Variants in SPATA17 observed in about 807,000 individuals in gnomAD.
The protein encoded by SPATA17 is spermatogenesis associated 17, also known as spermatogenesis-associated protein 17.
In SPATA17, 53 loss-of-function variants were observed where a neutral mutation model predicts 62.2. That is an observed-to-expected ratio of 0.85 (90% confidence interval 0.68 to 1.07). The LOEUF (loss-of-function observed/expected upper bound fraction) is 1.07. SPATA17 is among the 50% of genes least tolerant of loss of function. The pLI, the probability that SPATA17 is intolerant of heterozygous loss-of-function variation, is 0.00. For synonymous variants in SPATA17, 146 were observed against 146.8 expected, an observed-to-expected ratio of 0.99 and a Z score of 0.04; for missense variants, 466 against 425.5, an observed-to-expected ratio of 1.10 and a Z score of -0.84.
chr1:217,791,752 T>C (rs140673842), intron 8 of SPATA17, among the ~76,000 whole-genome samples: 2 of 152,286 alleles, frequency 1.3e-5, no homozygotes, highest in Non-Finnish European at 2.9e-5. Flanking sequence ...ACCAGCACAG[T>C]GTTTTAGGCC....
intron 1 of SPATA17, among the ~76,000 whole-genome samples, chr1:217,635,491 G>T (rs1029336422): frequency 6.6e-6 from 1 of 152,010 alleles, no homozygotes; most frequent in African/African-American, 2.4e-5. Context: ...ATCACTTGAG[G>T]TCAGGAGTTC....
At chr1:217,650,524 C>T (rs745858282) in intron 2 of SPATA17, among the ~76,000 whole-genome samples, 2 of 152,140 alleles carry the variant, frequency 1.3e-5, no homozygotes, top group Non-Finnish European at 2.9e-5. Flanking sequence ...TCAAGTGATT[C>T]TCCTGCCTCA....
At chr1:217,773,396 TATG>T (rs1337927254) in intron 6 of SPATA17, among the ~76,000 whole-genome samples, 9 of 152,156 alleles carry the variant, frequency 5.9e-5, no homozygotes, top group Admixed American at 5.9e-4. Context: ...TGCATTTGTG[TATG>T]ATATTTACAT....
At chr1:217,715,326 C>T (rs1287206743) in intron 5 of SPATA17, among the ~76,000 whole-genome samples, 1 of 152,150 alleles carries the variant, frequency 6.6e-6, no homozygotes, top group African/African-American at 2.4e-5. Flanking sequence ...TCAGAAGTGG[C>T]AACACCTTTA....
intron 5 of SPATA17, among the ~76,000 whole-genome samples, chr1:217,701,753 C>T (rs1323258991): frequency 1.3e-5 from 2 of 152,080 alleles, no homozygotes; most frequent in African/African-American, 4.8e-5. Flanking sequence ...TTGGTGCTCG[C>T]ATTATCTGAT....
intron 3 of SPATA17, among the ~76,000 whole-genome samples, chr1:217,664,514 C>T (rs768018181): frequency 2.0e-5 from 3 of 151,744 alleles, no homozygotes; most frequent in Non-Finnish European, 2.9e-5. Flanking sequence ...AGGCTGGTCT[C>T]AAACTCCTGA....
intron 5 of SPATA17, among the ~76,000 whole-genome samples, chr1:217,700,247 G>C (rs1571740777): frequency 6.6e-6 from 1 of 152,072 alleles, no homozygotes; most frequent in South Asian, 2.1e-4. Context: ...AGACCAATTT[G>C]GGAAGAATTG....
intron 5 of SPATA17, among the ~76,000 whole-genome samples, chr1:217,739,803 A>G (rs886088316): frequency 2.6e-5 from 4 of 152,172 alleles, no homozygotes; most frequent in Admixed American, 1.3e-4. Context: ...TGTCTTGTTC[A>G]GTATATCCAC....
At chr1:217,668,751 A>G (rs532151063) in intron 3 of SPATA17, among the ~76,000 whole-genome samples, 2 of 152,288 alleles carry the variant, frequency 1.3e-5, no homozygotes, top group Admixed American at 1.3e-4. Context: ...TTGTTATTCT[A>G]TTCTCAGTAG....
chr1:217,774,499 T>C lies in SPATA17; in HGVS notation c.685T>C (p.Ser229Pro), dbSNP rs1371258682. ...TACAAGCGCCCGTTCTTTTCCTCGG[T>C]CTGAAATTCTACCACCTATTAATAG... is the stretch of plus-strand genomic sequence containing the variant. The part of the protein sequence containing the change: ...ACTSARSFPR[S>P]EILPPINRKQ... Residue 229 changes from serine to proline, a missense_variant, in exon 7 of 11, where the codon TCT becomes CCT. By Grantham distance (74) the Ser-to-Pro change is moderately conservative. Coordinates refer to ENST00000366933, the MANE Select transcript of SPATA17 (RefSeq NM_138796.4). 1 of 1,614,002 alleles carries C rather than the reference T, an allele frequency of 6.2e-7. No homozygotes were observed. Among genetic ancestry groups the C allele is most frequent in the Admixed American group, 1.7e-5 (1 of 60,020 alleles).
chr1:217,837,657 T>G (rs1675292489), intron 9 of SPATA17, among the ~76,000 whole-genome samples: 1 of 152,106 alleles, frequency 6.6e-6, no homozygotes, highest in African/African-American at 2.4e-5. Flanking sequence ...TCAGTCTCAG[T>G]GGTGTGCATG....
chr1:217,788,545 A>T (rs10746372), intron 8 of SPATA17, among the ~76,000 whole-genome samples: 2 of 151,934 alleles, frequency 1.3e-5, no homozygotes, highest in African/African-American at 4.8e-5. Flanking sequence ...GGTCCTTAAA[A>T]ATGGAAGAGG....
rs775388063 is a variant in SPATA17 at position 217,651,097 on chromosome 1, G to A, written c.159G>A (p.Arg53=). ...AATAAGCATATTTTTTTTATCCTAG[G>A]CATTTAAACAGGATTGTAACAATTA... ...FRGCQVRAYI[R]HLNRIVTIIQ... Residue 53 remains arginine, a splice_region_variant and synonymous_variant, in exon 3 of 11, where the codon AGG becomes AGA. Transcript: ENST00000366933. 4 of 1,597,370 alleles carry A rather than the reference G, an allele frequency of 2.5e-6. No individual in the cohort carries two copies. The highest frequency in any genetic ancestry group is 2.3e-5 in the South Asian group (2 of 87,422).
In SPATA17 at chr1:217,864,934, G is replaced by A. The variant is rs544997424; in HGVS notation, c.*2+2078G>A. ...AATTAAAAAGAATGTGCAATGCAAA[G>A]GCTCAAATATGTTATGGTTTTTTTT... On this transcript the variant is annotated intron_variant, in intron 10 of 10. Transcript: ENST00000366933. 9.5e-4 allele frequency among the ~76,000 whole-genome samples: 145 copies of A among 151,996 alleles called. 2 individuals carry two copies. In the Middle Eastern group the frequency reaches 0.027, roughly 29 times the overall value.
chr1:217,790,459 G>C (rs1285531367), intron 8 of SPATA17, among the ~76,000 whole-genome samples: 1 of 149,720 alleles, frequency 6.7e-6, no homozygotes, highest in Non-Finnish European at 1.5e-5. Context: ...TTTTTTTTTT[G>C]AGACAGAGTC....
chr1:217,805,593 G>A (rs536145455), intron 9 of SPATA17, among the ~76,000 whole-genome samples: 1 of 152,194 alleles, frequency 6.6e-6, no homozygotes, highest in Non-Finnish European at 1.5e-5. Context: ...TAGCATGATT[G>A]TGGTAATCAT....
chr1:217,853,963 G>A (rs975065970), intron 9 of SPATA17, among the ~76,000 whole-genome samples: 3 of 152,270 alleles, frequency 2.0e-5, no homozygotes, highest in East Asian at 1.9e-4. Context: ...AGCAATGAAC[G>A]ATTCGTGAAT....
At chr1:217,675,314 C>T (rs1409581449) in intron 4 of SPATA17, among the ~76,000 whole-genome samples, 2 of 152,298 alleles carry the variant, frequency 1.3e-5, no homozygotes, top group East Asian at 1.9e-4. Context: ...TCTCCTAAAA[C>T]ATAGTTGTTT....
chr1:217,833,952 G>C (rs1558069846), intron 9 of SPATA17, among the ~76,000 whole-genome samples: 2 of 152,090 alleles, frequency 1.3e-5, no homozygotes, highest in Non-Finnish European at 2.9e-5. Flanking sequence ...ATTTACTTAG[G>C]TATGTAGTGT....
Sources: gnomAD v4.1 joint callset for allele counts (sites outside exome capture counted in the v4.1 genomes callset) on GRCh38, gnomAD v4.1.1 for gene constraint, MANE v1.5 for transcripts, NCBI Gene and HGNC (gene_info 2026-07-23, HGNC 2026-07-21) for gene names.